SLC16A7: variants seen among roughly 807,000 people sequenced by gnomAD.
The protein encoded by SLC16A7 is solute carrier family 16 member 7, also known as monocarboxylate transporter 2.
Under a neutral mutation model 34.9 loss-of-function variants are expected in SLC16A7, and 33 were observed. The observed-to-expected ratio is 0.94, with a 90% CI of 0.72 to 1.26. The LOEUF is 1.26. Ranked by LOEUF, SLC16A7 falls within the 50% of genes most tolerant of loss-of-function variation. SLC16A7 has a pLI of 0.00. For missense variants in SLC16A7, 573 were observed against 578.1 expected (o/e 0.99, Z 0.09); for synonymous variants, 201 against 206.6 (o/e 0.97, Z 0.23).
chr12:59,600,934 A>G lies in SLC16A7; in HGVS notation c.-130+4698A>G, dbSNP rs141458857. Among the ~76,000 whole-genome samples the G allele has an allele frequency of 6.1e-4, 93 of 152,346 alleles. 2 individuals carry two copies. The East Asian group carries it at 0.015, about 24-fold the overall frequency. On this transcript the variant is annotated intron_variant, in intron 1 of 5. Transcript: ENST00000547379. ...GACCTCATGAAAATCCTATGGGACA[A>G]CTGAACGACAGCTACAAGATACTGG...
chr12:59,761,109 G>A (rs1459024252), intron 3 of SLC16A7: 3 of 1,217,674 alleles, frequency 2.5e-6, no homozygotes, highest in Non-Finnish European at 3.2e-6. Context: ...ACTGCAAAAT[G>A]TACTTGTGTT....
rs369394718 is a variant in SLC16A7, at chr12:59,749,602, T to G, written c.218-21617T>G. 1.3e-3 allele frequency among the ~76,000 whole-genome samples: 191 copies of G among 152,270 alleles called. 3 individuals are homozygous for G. In the South Asian group the frequency reaches 0.02, roughly 16 times the overall value. ...ATGGTCAACGCTGTGGAAGAGAACC[T>G]CTATATAGAGAGTATCATGGATGTT... On this transcript the variant is annotated intron_variant, in intron 3 of 5. Coordinates refer to ENST00000547379, the MANE Select transcript of SLC16A7 (RefSeq NM_001270623.2).
chr12:59,767,786 G>T (rs1032920863), intron 3 of SLC16A7, among the ~76,000 whole-genome samples: 1 of 151,994 alleles, frequency 6.6e-6, no homozygotes, highest in Admixed American at 6.6e-5. Context: ...CATTCATTCT[G>T]CAGCTCATGG....
chr12:59,605,933 C>T (rs921842066), intron 1 of SLC16A7, among the ~76,000 whole-genome samples: 18 of 152,128 alleles, frequency 1.2e-4, no homozygotes, highest in Admixed American at 2.0e-4. Context: ...CCAGTTTTCT[C>T]ATTTTGGAAA....
chr12:59,609,701 G>T (rs1179446609), intron 1 of SLC16A7, among the ~76,000 whole-genome samples: 1 of 152,018 alleles, frequency 6.6e-6, no homozygotes, highest in Non-Finnish European at 1.5e-5. Flanking sequence ...CATTTTATTA[G>T]GCCTCTTATT....
chr12:59,786,131 C>G lies in SLC16A7; in HGVS notation c.*6452C>G, dbSNP rs1485303686. On this transcript the variant is annotated 3_prime_UTR_variant, in exon 6 of 6. Transcript: ENST00000547379. Reference sequence around the variant, plus strand: ...AGCGCACCAGCATGGCACATGTATACATATGTAACTAACCTGCACATTGTG... The same window carrying G: ...AGCGCACCAGCATGGCACATGTATAGATATGTAACTAACCTGCACATTGTG... 6.6e-6 allele frequency: 1 copy of G among 151,474 alleles called. No homozygotes were observed. The highest frequency in any genetic ancestry group is 2.4e-5 in the African/African-American group (1 of 41,248). 9.4% of individuals were successfully genotyped at this position (151,474 alleles called of 1,614,324 possible). A position where few individuals can be genotyped will look rare whatever the true frequency, so the allele number is the denominator to read the frequency against.
At chr12:59,707,367 C>G (rs1025322004) in intron 3 of SLC16A7, among the ~76,000 whole-genome samples, 2 of 151,932 alleles carry the variant, frequency 1.3e-5, no homozygotes, top group East Asian at 3.9e-4. Context: ...CAGCCCTCCA[C>G]CCTCTGGCTG....
chr12:59,628,643 T>TGTGTGTAAGTGTGC (rs1880038315), intron 1 of SLC16A7, among the ~76,000 whole-genome samples: 1 of 151,736 alleles, frequency 6.6e-6, no homozygotes, highest in South Asian at 2.1e-4. Flanking sequence ...ATTCTTTGTG[T>TGTGTGTAAGTGTGC]GTGTGTAAGT....
intron 2 of SLC16A7, among the ~76,000 whole-genome samples, chr12:59,684,036 C>A (rs1057273614): frequency 2.6e-5 from 4 of 152,050 alleles, no homozygotes; most frequent in African/African-American, 9.7e-5. Flanking sequence ...AGGCCCAGTG[C>A]AAGAAATTCA....
intron 3 of SLC16A7, among the ~76,000 whole-genome samples, chr12:59,750,920 A>G (rs923255065): frequency 1.3e-5 from 2 of 152,214 alleles, no homozygotes; most frequent in South Asian, 4.1e-4. Context: ...AGGGACATGG[A>G]TGAAGCTGGA....
intron 1 of SLC16A7, among the ~76,000 whole-genome samples, chr12:59,649,634 C>T (rs895506641): frequency 1.3e-5 from 2 of 151,992 alleles, no homozygotes; most frequent in Non-Finnish European, 2.9e-5. Flanking sequence ...GTTTTGTGGC[C>T]TTACTTAATA....
chr12:59,610,809 T>C (rs1165590374), intron 1 of SLC16A7, among the ~76,000 whole-genome samples: 1 of 152,240 alleles, frequency 6.6e-6, no homozygotes, highest in Non-Finnish European at 1.5e-5. Context: ...ATTGAGATAA[T>C]ATATGTTTCT....
intron 1 of SLC16A7, among the ~76,000 whole-genome samples, chr12:59,639,428 A>G (rs1489843540): frequency 6.6e-6 from 1 of 152,126 alleles, no homozygotes; most frequent in African/African-American, 2.4e-5. Flanking sequence ...TCGGTTGCCC[A>G]GGTTAGAGTA....
At chr12:59,727,964 T>C (rs1470238333) in intron 3 of SLC16A7, among the ~76,000 whole-genome samples, 1 of 152,114 alleles carries the variant, frequency 6.6e-6, no homozygotes, top group Non-Finnish European at 1.5e-5. Context: ...CTGATGTCAC[T>C]ATGAAAGATG....
intron 2 of SLC16A7, among the ~76,000 whole-genome samples, chr12:59,663,308 G>A (rs1460242977): frequency 6.6e-6 from 1 of 151,618 alleles, no homozygotes; most frequent in Non-Finnish European, 1.5e-5. Context: ...AACATTAACT[G>A]AATAAAGTTA....
intron 3 of SLC16A7, among the ~76,000 whole-genome samples, chr12:59,746,336 G>A (rs2711651): frequency 0.12 from 18,671 of 152,208 alleles, 1,497 homozygotes; most frequent in African/African-American, 0.22. Flanking sequence ...AGCCAAAGCA[G>A]ATTTTATTTC....
chr12:59,632,580 C>T (rs567900405), intron 1 of SLC16A7, among the ~76,000 whole-genome samples: 2 of 152,012 alleles, frequency 1.3e-5, no homozygotes, highest in South Asian at 4.1e-4. Flanking sequence ...ATCTTGAGCC[C>T]TGGGCACCTT....
chr12:59,747,462 C>T (rs945484890), intron 3 of SLC16A7, among the ~76,000 whole-genome samples: 1 of 152,114 alleles, frequency 6.6e-6, no homozygotes. Flanking sequence ...TAACTCTTTT[C>T]TAATAAATAA....
Position 59,696,737 on chromosome 12 carries a change from T to A in SLC16A7, c.-30-8035T>A, listed in dbSNP as rs151325910. Among the ~76,000 whole-genome samples, 214 of 152,074 alleles carry A rather than the reference T, an allele frequency of 1.4e-3. 1 individual carries two copies. Among genetic ancestry groups the A allele is most frequent in the Middle Eastern group, 6.8e-3 (2 of 294 alleles). ...GAGGAAGAGGTGACAGTGTTGGAAT[T>A]GGAATTTTTGGAATTGATTGGTTCT... On this transcript the variant is annotated intron_variant, in intron 2 of 5. Transcript: ENST00000547379.
Sources: gnomAD v4.1 joint callset for allele counts (sites outside exome capture counted in the v4.1 genomes callset) on GRCh38, gnomAD v4.1.1 for gene constraint, MANE v1.5 for transcripts, NCBI Gene and HGNC (gene_info 2026-07-23, HGNC 2026-07-21) for gene names.